RGL1: variants seen among roughly 807,000 people sequenced by gnomAD.
RGL1 encodes the protein ral guanine nucleotide dissociation stimulator-like 1.
A neutral mutation model predicts 95.2 loss-of-function variants in RGL1; 24 were observed. That is an observed-to-expected ratio of 0.25 (90% CI 0.18 to 0.35). The LOEUF is 0.35. RGL1 is among the 10% of genes least tolerant of loss of function. The probability of loss-of-function intolerance (pLI) is 1.00; values close to 1 mark genes in which losing one functional copy is unlikely to be tolerated. For missense variants in RGL1, 715 were observed against 936.3 expected (o/e 0.76, Z 3.08); for synonymous variants, 329 against 344.9 (o/e 0.95, Z 0.51).
In RGL1 at chr1:183,757,021, GTT is replaced by G. The variant is rs11344065; in HGVS notation, c.132+14744_132+14745del. On this transcript the variant is annotated intron_variant, in intron 2 of 18. Coordinates refer to the RGL1 transcript ENST00000304685. ...TAACACTTAGTTGGGTGGTTTGTTT[GTT>G]TTTTTTTTTTTGTATTGCTGATTGA... Among the ~76,000 whole-genome samples, 17 of 77,266 alleles carry G rather than the reference GTT, an allele frequency of 2.2e-4. No homozygotes were observed. In the South Asian group the frequency reaches 2.4e-3, roughly 11 times the overall value. The allele number at this position is 77,266 out of a possible 152,430, so 50.7% of individuals were successfully genotyped here. A position where few individuals can be genotyped will look rare whatever the true frequency, so the allele number is the denominator to read the frequency against.
intron 1 of RGL1, among the ~76,000 whole-genome samples, chr1:183,665,718 G>A (rs1010823247): frequency 7.2e-5 from 11 of 152,064 alleles, no homozygotes; most frequent in African/African-American, 2.2e-4. Flanking sequence ...TGTGAGATCC[G>A]TAGTGATGAT....
At chr1:183,900,043 C>T in intron 10 of RGL1, 107 bp from the exon 11 acceptor site, 2 of 752,136 alleles carry the variant, frequency 2.7e-6, no homozygotes, top group South Asian at 3.4e-5. Context: ...GCACCACTGG[C>T]CCGCAGTTAG....
At chr1:183,714,656 A>G (rs1655502625) in intron 1 of RGL1, among the ~76,000 whole-genome samples, 1 of 152,208 alleles carries the variant, frequency 6.6e-6, no homozygotes, top group South Asian at 2.1e-4. Context: ...ATGCCCTCTG[A>G]CTGACAGTAA....
chr1:183,793,783 A>C (rs1403085477), intron 2 of RGL1, among the ~76,000 whole-genome samples: 1 of 152,124 alleles, frequency 6.6e-6, no homozygotes, highest in African/African-American at 2.4e-5. Flanking sequence ...AAGAAACTCT[A>C]ATACAGTGTA....
chr1:183,873,366 A>T (rs200226025), intron 4 of RGL1, among the ~76,000 whole-genome samples: 2 of 152,202 alleles, frequency 1.3e-5, no homozygotes, highest in Non-Finnish European at 2.9e-5. Context: ...TAAGTACTTT[A>T]TATTTGTGTC....
chr1:183,922,181 T>G, intron 16 of RGL1, 41 bp from the exon 17 acceptor site: 1 of 1,540,052 alleles, frequency 6.5e-7, no homozygotes, highest in South Asian at 1.1e-5. Flanking sequence ...TCAGGAAACG[T>G]GAAGCTAAGT....
chr1:183,637,717 G>A (rs1454921561), intron 1 of RGL1, among the ~76,000 whole-genome samples: 1 of 152,132 alleles, frequency 6.6e-6, no homozygotes, highest in Non-Finnish European at 1.5e-5. Context: ...GGTGATAGAA[G>A]TAACATTGTT....
At position 183,696,136 on chromosome 1, in the gene RGL1, C is replaced by A. The variant is rs138459939; in HGVS notation, c.-32-45990C>A. On this transcript the variant is annotated intron_variant, in intron 1 of 18. Transcript: ENST00000304685. Reference sequence around the variant, plus strand: ...CAAGGTCCCTAGACCTCTGTGTAGCCAAATCTGTCCATAAATTCTCAGTTC... The same window carrying A: ...CAAGGTCCCTAGACCTCTGTGTAGCAAAATCTGTCCATAAATTCTCAGTTC... 5.3e-3 allele frequency among the ~76,000 whole-genome samples: 800 copies of A among 152,240 alleles called. 7 individuals are homozygous for A. Among genetic ancestry groups the A allele is most frequent in the African/African-American group, 0.018 (760 of 41,546 alleles).
At chr1:183,730,523 GTACTGCT>G (rs1318089100) in intron 1 of RGL1, among the ~76,000 whole-genome samples, 3 of 152,120 alleles carry the variant, frequency 2.0e-5, no homozygotes, top group Admixed American at 1.3e-4. Flanking sequence ...CACTGCTAAT[GTACTGCT>G]TGAATGTATC....
At chr1:183,842,643 G>A (rs2500103) in intron 2 of RGL1, among the ~76,000 whole-genome samples, 121,437 of 152,054 alleles carry the variant, frequency 0.8, 48,650 homozygotes, top group Middle Eastern at 0.88. Flanking sequence ...TCACAGTACC[G>A]TGATCTTGTC....
At chr1:183,640,501 T>G (rs1649852096) in intron 1 of RGL1, among the ~76,000 whole-genome samples, 1 of 152,220 alleles carries the variant, frequency 6.6e-6, no homozygotes, top group African/African-American at 2.4e-5. Flanking sequence ...TAAAAAAAAT[T>G]GTAAATCTCT....
At chr1:183,639,388 A>C (rs1048363235) in intron 1 of RGL1, among the ~76,000 whole-genome samples, 1 of 152,120 alleles carries the variant, frequency 6.6e-6, no homozygotes, top group Admixed American at 6.6e-5. Flanking sequence ...AAATATGTAA[A>C]ATGTATTATA....
intron 3 of RGL1, among the ~76,000 whole-genome samples, chr1:183,850,696 A>G (rs1664779600): frequency 6.6e-6 from 1 of 152,212 alleles, no homozygotes; most frequent in South Asian, 2.1e-4. Context: ...ATTTCTTTAT[A>G]TAGGCAGGAT....
At chr1:183,740,295 C>G (rs1050411689) in intron 1 of RGL1, among the ~76,000 whole-genome samples, 2 of 152,080 alleles carry the variant, frequency 1.3e-5, no homozygotes, top group South Asian at 4.1e-4. Flanking sequence ...TTTCCTGGTT[C>G]CTAATGGGAG....
chr1:183,883,085 G>A (rs1666915819), intron 5 of RGL1, among the ~76,000 whole-genome samples: 1 of 152,132 alleles, frequency 6.6e-6, no homozygotes, highest in African/African-American at 2.4e-5. Flanking sequence ...TTTCAAAATG[G>A]AGACTGGAGG....
chr1:183,805,307 CT>C lies in RGL1; in HGVS notation c.13del (p.Trp5GlyfsTer5). 1 of 1,611,832 alleles carries C rather than the reference CT, an allele frequency of 6.2e-7. No homozygotes were observed. The highest frequency in any genetic ancestry group is 8.5e-7 in the Non-Finnish European group (1 of 1,179,528). Reference sequence around the variant, plus strand: ...GGAGAGAAAACTGAGAATGAAATTGCTTTGGCAAGCTAAAATGGTAACGAGA... The same window carrying C: ...GGAGAGAAAACTGAGAATGAAATTGCTTGGCAAGCTAAAATGGTAACGAGA... Reference protein sequence around the residue: MKLLWQAKMSSIQD... With the variant: MKLXWQAKMSSIQD... On this transcript the variant is annotated frameshift_variant, in exon 1 of 18. Coordinates refer to ENST00000360851, the MANE Select transcript of RGL1 (RefSeq NM_001297671.3). LOFTEE classifies it high-confidence loss of function.
At chr1:183,757,085 C>G (rs1325866555) in intron 2 of RGL1, among the ~76,000 whole-genome samples, 1 of 146,770 alleles carries the variant, frequency 6.8e-6, no homozygotes, top group African/African-American at 2.5e-5. Context: ...CTGGACTTAT[C>G]TATGTTCAAT....
chr1:183,644,317 T>C (rs547152526), intron 1 of RGL1, among the ~76,000 whole-genome samples: 57 of 152,344 alleles, frequency 3.7e-4, no homozygotes, highest in Non-Finnish European at 7.2e-4. Context: ...AAAGTAGTTA[T>C]TATAATAATA....
chr1:183,878,053 G>C (rs1445509512), intron 4 of RGL1, among the ~76,000 whole-genome samples: 2 of 152,084 alleles, frequency 1.3e-5, no homozygotes, highest in Non-Finnish European at 2.9e-5. Flanking sequence ...CTTAATTATG[G>C]TGTGTCCACA....
Sources: gnomAD v4.1 joint callset for allele counts (sites outside exome capture counted in the v4.1 genomes callset) on GRCh38, gnomAD v4.1.1 for gene constraint, MANE v1.5 for transcripts, NCBI Gene and HGNC (gene_info 2026-07-23, HGNC 2026-07-21) for gene names.